Variants in SCNN1B observed in about 807,000 individuals in gnomAD.
The protein encoded by SCNN1B is sodium channel epithelial 1 subunit beta, also known as epithelial sodium channel subunit beta.
A neutral mutation model predicts 65.3 loss-of-function variants in SCNN1B; 46 were observed. That is an observed-to-expected ratio of 0.70 (90% CI 0.56 to 0.90). The LOEUF (loss-of-function observed/expected upper bound fraction) is 0.90, where lower values mean the gene tolerates loss of function less well. SCNN1B is among the 40% of genes least tolerant of loss of function. The probability of loss-of-function intolerance (pLI) is 0.00; values close to 1 mark genes in which losing one functional copy is unlikely to be tolerated. For missense variants in SCNN1B, 751 were observed against 830.5 expected (o/e 0.90, Z 1.18); for synonymous variants, 349 against 330.6 (o/e 1.06, Z -0.60).
At chr16:23,313,824 A>C (rs1344096800) in intron 1 of SCNN1B, among the ~76,000 whole-genome samples, 1 of 152,076 alleles carries the variant, frequency 6.6e-6, no homozygotes, top group Non-Finnish European at 1.5e-5. Flanking sequence ...GTTGGCCAGG[A>C]TGGCCTTGAT....
At chr16:23,341,288 C>T (rs766652520) in intron 1 of SCNN1B, among the ~76,000 whole-genome samples, 19 of 152,000 alleles carry the variant, frequency 1.3e-4, no homozygotes, top group Non-Finnish European at 2.1e-4. Context: ...CTATCTCACA[C>T]TATATATGTA....
At chr16:23,300,376 G>C (rs1393554952), upstream of SCNN1B, among the ~76,000 whole-genome samples, 2 of 151,902 alleles carry the variant, frequency 1.3e-5, no homozygotes, top group Non-Finnish European at 2.9e-5. Flanking sequence ...AAAAAGCAAT[G>C]GTGGGTCAAG....
rs1268656160 is a variant in SCNN1B, at chr16:23,280,499, G to A, written n.110+2159G>A. On this transcript the variant is annotated intron_variant and non_coding_transcript_variant, in intron 1 of 3. Coordinates refer to the SCNN1B transcript ENST00000569789. The stretch of plus-strand genomic sequence containing the variant: ...CTCCCGAAGTGCTGGGATTATAGGC[G>A]TGAGCCACCATGCCTGGCTGGTAGG... 2.0e-5 allele frequency among the ~76,000 whole-genome samples: 3 copies of A among 152,138 alleles called. No homozygotes were observed. The South Asian group carries it at 6.2e-4, about 32-fold the overall frequency.
At chr16:23,338,394 T>A (rs1961987294) in intron 1 of SCNN1B, among the ~76,000 whole-genome samples, 1 of 152,216 alleles carries the variant, frequency 6.6e-6, no homozygotes, top group Non-Finnish European at 1.5e-5. Flanking sequence ...GTCCTCTGGT[T>A]GCCCTTGCAG....
intron 5 of SCNN1B, 133 bp downstream of exon 5, chr16:23,368,092 C>T (rs1962709910): frequency 6.4e-6 from 5 of 786,642 alleles, no homozygotes; most frequent in East Asian, 2.5e-5. Context: ...TGGCTGCTAC[C>T]GAGGCTCTAC....
At chr16:23,308,166 T>C (rs1009455499) in intron 1 of SCNN1B, among the ~76,000 whole-genome samples, 1 of 152,152 alleles carries the variant, frequency 6.6e-6, no homozygotes, top group Non-Finnish European at 1.5e-5. Context: ...ATCATCAGGC[T>C]ACACTCCAGC....
intron 4 of SCNN1B, among the ~76,000 whole-genome samples, chr16:23,365,557 G>GAGAAAGAAAGAA (rs71379673): frequency 6.5e-5 from 6 of 92,366 alleles, no homozygotes; most frequent in Admixed American, 1.1e-4. Flanking sequence ...AAGAAGGAAA[G>GAGAAAGAAAGAA]AGAAAGAAAG....
At chr16:23,312,483 C>T (rs752702860) in intron 1 of SCNN1B, among the ~76,000 whole-genome samples, 2 of 152,086 alleles carry the variant, frequency 1.3e-5, no homozygotes, top group Non-Finnish European at 2.9e-5. Flanking sequence ...GCCAAGTGCA[C>T]AGCATGCTGA....
At chr16:23,374,231 A>C (rs2142041881) in intron 7 of SCNN1B, among the ~76,000 whole-genome samples, 1 of 132,734 alleles carries the variant, frequency 7.5e-6, no homozygotes. Context: ...GTGCCACTGC[A>C]CCCCAGCCTG....
chr16:23,377,181 T>C lies in SCNN1B; in HGVS notation c.1287T>C (p.Asp429=), dbSNP rs1206530863. The change falls in exon 9 of 13, where the codon GAT becomes GAC. Residue 429 remains aspartate, a synonymous_variant. Coordinates refer to ENST00000343070, the MANE Select transcript of SCNN1B (RefSeq NM_000336.3). ...CCTGCGCAGCCCATTGCTACTCAGA[T>C]CTACAGATGAGCGTGGCGCAGAGAG... ...DFPDWAHCYS[D]LQMSVAQRET... The C allele has an allele frequency of 6.2e-6, 10 of 1,614,054 alleles. No homozygotes were observed. The highest frequency in any genetic ancestry group is 7.6e-6 in the Non-Finnish European group (9 of 1,180,020).
intron 1 of SCNN1B, among the ~76,000 whole-genome samples, chr16:23,339,134 T>A (rs919304604): frequency 5.3e-5 from 8 of 152,240 alleles, no homozygotes; most frequent in African/African-American, 1.9e-4. Context: ...TAGTATGTAT[T>A]CTTACGTGTT....
chr16:23,326,101 T>C (rs1277543565), intron 1 of SCNN1B, among the ~76,000 whole-genome samples: 1 of 151,444 alleles, frequency 6.6e-6, no homozygotes, highest in Non-Finnish European at 1.5e-5. Context: ...AAAAAATTCT[T>C]GGAAGCTTAA....
Position 23,362,634 on chromosome 16 carries a change from G to A in SCNN1B, c.777-5222G>A, listed in dbSNP as rs151246819. Among the ~76,000 whole-genome samples, 1,046 of 152,318 alleles carry A rather than the reference G, an allele frequency of 6.9e-3. 5 individuals carry two copies. The highest frequency in any genetic ancestry group is 9.6e-3 in the Non-Finnish European group (651 of 68,034). On this transcript the variant is annotated intron_variant, in intron 4 of 12. Transcript: ENST00000343070. The stretch of plus-strand genomic sequence containing the variant: ...TGGAATCAGAGGCAGCCAGTCCTGG[G>A]AGCAGCCTCTCTGGGTGAAGAGTAT...
chr16:23,298,882 A>G (rs1423369616), upstream of SCNN1B, among the ~76,000 whole-genome samples: 1 of 152,162 alleles, frequency 6.6e-6, no homozygotes. Flanking sequence ...AATGGAAATC[A>G]TGACACAGAA....
intron 11 of SCNN1B, 103 bp downstream of exon 11, chr16:23,378,870 G>A (rs1962970297): frequency 3.6e-6 from 4 of 1,108,548 alleles, no homozygotes; most frequent in Non-Finnish European, 4.1e-6. Context: ...ATTCTCACAT[G>A]GGTCAGACCG....
Position 23,333,315 on chromosome 16 carries a change from G to T in SCNN1B, c.-8-15277G>T, listed in dbSNP as rs985474454. On this transcript the variant is annotated intron_variant, in intron 1 of 12. Transcript: ENST00000343070. ...CAGTTGTTGTCTGGGAAAACCAGCT[G>T]CCAGCCATTGAGGAATTCGGGACAA... Among the ~76,000 whole-genome samples, 10 of 152,232 alleles carry T rather than the reference G, an allele frequency of 6.6e-5. No individual in the cohort carries two copies. The East Asian group carries it at 1.9e-3, about 29-fold the overall frequency.
intron 10 of SCNN1B, among the ~76,000 whole-genome samples, chr16:23,377,875 A>G (rs978536747): frequency 6.6e-6 from 1 of 152,108 alleles, no homozygotes; most frequent in Admixed American, 6.6e-5. Flanking sequence ...GACAGACATA[A>G]TCCTTTTAAT....
intron 1 of SCNN1B, among the ~76,000 whole-genome samples, chr16:23,303,284 T>A (rs1335582659): frequency 6.6e-6 from 1 of 152,064 alleles, no homozygotes; most frequent in Non-Finnish European, 1.5e-5. Context: ...CCCACTCACC[T>A]CCACCAGGGA....
chr16:23,357,497 C>T (rs1273002358), intron 4 of SCNN1B, among the ~76,000 whole-genome samples: 2 of 152,168 alleles, frequency 1.3e-5, no homozygotes, highest in East Asian at 1.9e-4. Flanking sequence ...GAAGGAGAAT[C>T]GCTTGAACCC....
Sources: gnomAD v4.1 joint callset for allele counts (sites outside exome capture counted in the v4.1 genomes callset) on GRCh38, gnomAD v4.1.1 for gene constraint, MANE v1.5 for transcripts, NCBI Gene and HGNC (gene_info 2026-07-23, HGNC 2026-07-21) for gene names.